DGKB: variants seen among roughly 807,000 people sequenced by gnomAD.
The protein encoded by DGKB is 90 kDa diacylglycerol kinase.
DGKB carries 67 observed loss-of-function variants against 114.3 expected under a neutral mutation model. The observed-to-expected ratio is 0.59, with a 90% confidence interval of 0.48 to 0.72. DGKB has a LOEUF of 0.72. Ranked by LOEUF, DGKB falls within the 30% of genes least tolerant of loss-of-function variation. The pLI is 0.00. For synonymous variants in DGKB, 398 were observed against 323.1 expected (o/e 1.23, Z -2.49); for missense variants, 907 against 975.2 (o/e 0.93, Z 0.93).
intron 22 of DGKB, among the ~76,000 whole-genome samples, chr7:14,339,575 G>T (rs1306186978): frequency 6.6e-6 from 1 of 151,850 alleles, no homozygotes; most frequent in Non-Finnish European, 1.5e-5. Flanking sequence ...TTAGTTTTTT[G>T]AATTTTCCAT....
intron 12 of DGKB, among the ~76,000 whole-genome samples, chr7:14,677,894 T>A (rs1054766988): frequency 1.3e-4 from 20 of 152,068 alleles, no homozygotes; most frequent in African/African-American, 4.3e-4. Flanking sequence ...GTGGCTAGAT[T>A]TACAAATGAA....
At chr7:14,231,143 CTTTT>C (rs869233309) in intron 23 of DGKB, among the ~76,000 whole-genome samples, 2 of 90,612 alleles carry the variant, frequency 2.2e-5, no homozygotes, top group East Asian at 3.1e-4. Flanking sequence ...TTCTTTCTTT[CTTTT>C]TCTTTCTTTC....
At chr7:14,899,702 C>T (rs903135164) in intron 1 of DGKB, among the ~76,000 whole-genome samples, 3 of 152,022 alleles carry the variant, frequency 2.0e-5, no homozygotes, top group Non-Finnish European at 4.4e-5. Context: ...CGTGAGTGTG[C>T]CAACTTTGGA....
At chr7:14,554,334 T>G (rs1467263231) in intron 20 of DGKB, among the ~76,000 whole-genome samples, 1 of 152,206 alleles carries the variant, frequency 6.6e-6, no homozygotes, top group Non-Finnish European at 1.5e-5. Context: ...TTCACAAAAG[T>G]AGGATATGAG....
At chr7:14,193,449 AAGT>A (rs932186603) in intron 23 of DGKB, among the ~76,000 whole-genome samples, 8 of 152,292 alleles carry the variant, frequency 5.3e-5, no homozygotes, top group South Asian at 2.1e-4. Context: ...ATTGGGGAAA[AAGT>A]AGTCTCTTCA....
chr7:14,826,197 G>A (rs1403849480), intron 2 of DGKB, among the ~76,000 whole-genome samples: 1 of 152,070 alleles, frequency 6.6e-6, no homozygotes, highest in African/African-American at 2.4e-5. Flanking sequence ...AATGGATTCG[G>A]CCTGGGAGAA....
Position 14,574,285 on chromosome 7 carries a change from A to G in DGKB, c.1697T>C (p.Ile566Thr), listed in dbSNP as rs763813263. 1 of 1,613,168 alleles carries G rather than the reference A, an allele frequency of 6.2e-7. No homozygotes were observed. Among genetic ancestry groups the G allele is most frequent in the African/African-American group, 1.3e-5 (1 of 75,002 alleles). The change falls in exon 20 of 26, where the codon ATA (isoleucine) becomes ACA (threonine). Residue 566 changes from isoleucine to threonine, a missense_variant. Physicochemically the swap from Ile to Thr is moderately conservative, Grantham distance 89. Around this residue, in one of 3 missense-constraint regions of DGKB, gnomAD observed 814 missense variants for 856.6 expected, o/e 0.95. Coordinates refer to ENST00000402815, the MANE Select transcript of DGKB (RefSeq NM_001350709.2). Reference sequence around the variant, plus strand: ...TCCTTTCTCATCTTTGTCATTAGGTATGACTTCAAACTTCCACCTGTCCAA... The same window carrying G: ...TCCTTTCTCATCTTTGTCATTAGGTGTGACTTCAAACTTCCACCTGTCCAA... ...IMLDRWKFEV[I>T]PNDKDEKGDP...
At chr7:14,796,883 A>G (rs2128036978) in intron 2 of DGKB, among the ~76,000 whole-genome samples, 1 of 152,232 alleles carries the variant, frequency 6.6e-6, no homozygotes, top group Admixed American at 6.5e-5. Flanking sequence ...TCCACCTTAT[A>G]GTCTTGATTT....
rs1325842171 is a variant in DGKB at position 14,569,492 on chromosome 7, T to C, written c.1770+4720A>G. Among the ~76,000 whole-genome samples the C allele has an allele frequency of 2.0e-5, 3 of 152,184 alleles. 1 individual carries two copies. The East Asian group carries it at 5.8e-4, about 29-fold the overall frequency. On this transcript the variant is annotated intron_variant, in intron 20 of 25. Coordinates refer to ENST00000402815, the MANE Select transcript of DGKB (RefSeq NM_001350709.2). ...AGTTCTAACAAAAGTTTTTTCTTTC[T>C]AGGAAGCTAGGTTTGAACATTATCA...
chr7:14,455,732 C>T (rs1365018905), intron 21 of DGKB, among the ~76,000 whole-genome samples: 1 of 151,972 alleles, frequency 6.6e-6, no homozygotes, highest in Non-Finnish European at 1.5e-5. Flanking sequence ...GAACATTCTT[C>T]AACTTGGTTC....
intron 9 of DGKB, among the ~76,000 whole-genome samples, chr7:14,685,789 C>G (rs1184241359): frequency 6.6e-6 from 1 of 152,158 alleles, no homozygotes; most frequent in Non-Finnish European, 1.5e-5. Context: ...TTAACCCTTG[C>G]TTACTAGTAG....
chr7:14,483,059 A>G (rs1783220278), intron 20 of DGKB, among the ~76,000 whole-genome samples: 1 of 150,788 alleles, frequency 6.6e-6, no homozygotes, highest in Non-Finnish European at 1.5e-5. Flanking sequence ...TTTCTCTGCT[A>G]TATTAGTTTT....
intron 23 of DGKB, among the ~76,000 whole-genome samples, chr7:14,321,170 G>A (rs1287248253): frequency 6.6e-6 from 1 of 151,952 alleles, no homozygotes; most frequent in East Asian, 1.9e-4. Flanking sequence ...ACATGCCAGT[G>A]GTCCCAGCCG....
At chr7:14,916,344 C>T (rs962602435) in intron 1 of DGKB, among the ~76,000 whole-genome samples, 20 of 151,684 alleles carry the variant, frequency 1.3e-4, no homozygotes, top group African/African-American at 4.8e-4. Flanking sequence ...GACACCAATC[C>T]CATTATATAA....
intron 20 of DGKB, among the ~76,000 whole-genome samples, chr7:14,517,943 C>G (rs905160563): frequency 5.3e-5 from 8 of 152,156 alleles, no homozygotes; most frequent in African/African-American, 1.7e-4. Flanking sequence ...TCACTTGACC[C>G]AGCAATCCCA....
intron 21 of DGKB, among the ~76,000 whole-genome samples, chr7:14,410,309 T>A (rs1824657051): frequency 6.6e-6 from 1 of 151,820 alleles, no homozygotes; most frequent in Admixed American, 6.6e-5. Flanking sequence ...TTTAATATAG[T>A]TGTATATTTT....
intron 1 of DGKB, among the ~76,000 whole-genome samples, chr7:14,937,467 T>C (rs1007995828): frequency 2.6e-5 from 4 of 152,150 alleles, no homozygotes; most frequent in Admixed American, 6.6e-5. Context: ...TTTATTTTTT[T>C]AAATAACATT....
intron 2 of DGKB, among the ~76,000 whole-genome samples, chr7:14,776,852 C>T (rs1248094125): frequency 6.6e-6 from 1 of 152,108 alleles, no homozygotes; most frequent in Non-Finnish European, 1.5e-5. Context: ...TCCTCCAGAC[C>T]CCAGAATGGT....
intron 1 of DGKB, among the ~76,000 whole-genome samples, chr7:14,968,569 A>G (rs1440221699): frequency 6.6e-6 from 1 of 152,150 alleles, no homozygotes; most frequent in Non-Finnish European, 1.5e-5. Flanking sequence ...TTTACCTAAT[A>G]ACCAAATCTC....
Sources: allele counts gnomAD v4.1 joint callset (sites outside exome capture counted in the v4.1 genomes callset), GRCh38; gene constraint gnomAD v4.1.1; regional missense constraint gnomAD v4.1.1; transcripts MANE v1.5; gene names NCBI Gene and HGNC (gene_info 2026-07-23, HGNC 2026-07-21).